Variants in SSBP2 observed in about 807,000 individuals in gnomAD.
SSBP2 encodes single stranded DNA binding protein 2, also known as single-stranded DNA-binding protein 2.
A neutral mutation model predicts 61.8 loss-of-function variants in SSBP2; 17 were observed. The observed-to-expected ratio is 0.28, with a 90% CI of 0.19 to 0.41. The LOEUF is 0.41. Ranked by LOEUF, SSBP2 falls within the 10% of genes least tolerant of loss-of-function variation. The pLI is 1.00. For missense variants in SSBP2, 310 were observed against 458.7 expected, an observed-to-expected ratio of 0.68 and a Z score of 2.96; for synonymous variants, 139 against 141.3, an observed-to-expected ratio of 0.98 and a Z score of 0.12.
At chr5:81,604,606 C>T (rs1744700343) in intron 4 of SSBP2, among the ~76,000 whole-genome samples, 1 of 151,774 alleles carries the variant, frequency 6.6e-6, no homozygotes, top group Non-Finnish European at 1.5e-5. Context: ...CTTTTAATCC[C>T]CCATGGAGAA....
At chr5:81,737,559 G>A (rs1396528104) in intron 1 of SSBP2, among the ~76,000 whole-genome samples, 1 of 151,932 alleles carries the variant, frequency 6.6e-6, no homozygotes, top group African/African-American at 2.4e-5. Context: ...AAGGCAGGCG[G>A]ATCACGAGGT....
At chr5:81,500,668 C>T (rs1213495019) in intron 5 of SSBP2, among the ~76,000 whole-genome samples, 2 of 152,024 alleles carry the variant, frequency 1.3e-5, no homozygotes, top group East Asian at 2.0e-4. Flanking sequence ...ACCATGTTGG[C>T]CAGGATGGTC....
intron 2 of SSBP2, among the ~76,000 whole-genome samples, chr5:81,641,159 T>C (rs1018389552): frequency 6.6e-6 from 1 of 152,054 alleles, no homozygotes; most frequent in Non-Finnish European, 1.5e-5. Flanking sequence ...CCACTGCCCC[T>C]CATCCTTACT....
At chr5:81,547,029 T>C (rs1771780984) in intron 4 of SSBP2, among the ~76,000 whole-genome samples, 1 of 72,798 alleles carries the variant, frequency 1.4e-5, no homozygotes, top group East Asian at 3.1e-4. Flanking sequence ...AAAGGGCAAA[T>C]CTTGGCCAAA....
chr5:81,532,336 A>G (rs1240306834), intron 4 of SSBP2, among the ~76,000 whole-genome samples: 2 of 152,124 alleles, frequency 1.3e-5, no homozygotes, highest in Non-Finnish European at 2.9e-5. Context: ...TAATCAATTT[A>G]TCTACACAGT....
At chr5:81,428,820 A>G in intron 15 of SSBP2, 137 bp from the exon 16 acceptor site, 1 of 552,362 alleles carries the variant, frequency 1.8e-6, no homozygotes, top group Non-Finnish European at 3.2e-6. Flanking sequence ...TCTACCATGT[A>G]TTCTATTTCA....
At chr5:81,556,677 C>A (rs536507873) in intron 4 of SSBP2, among the ~76,000 whole-genome samples, 1 of 152,242 alleles carries the variant, frequency 6.6e-6, no homozygotes, top group Admixed American at 6.5e-5. Flanking sequence ...ATCCAAACAT[C>A]ATTTTCATCC....
chr5:81,544,196 A>ATG (rs2154121155), intron 4 of SSBP2, among the ~76,000 whole-genome samples: 2 of 152,086 alleles, frequency 1.3e-5, no homozygotes, highest in South Asian at 4.2e-4. Context: ...ACTACAGGCG[A>ATG]TGCCACCACG....
At chr5:81,589,940 G>A (rs749554583) in intron 4 of SSBP2, among the ~76,000 whole-genome samples, 2 of 152,090 alleles carry the variant, frequency 1.3e-5, no homozygotes, top group Non-Finnish European at 2.9e-5. Flanking sequence ...ATTCATGAGG[G>A]TGGAGCTCTC....
chr5:81,675,026 A>AT (rs1751848663), intron 1 of SSBP2, among the ~76,000 whole-genome samples: 1 of 152,226 alleles, frequency 6.6e-6, no homozygotes, highest in African/African-American at 2.4e-5. Context: ...CCTTTTGATT[A>AT]TCCACAGTAA....
intron 5 of SSBP2, among the ~76,000 whole-genome samples, chr5:81,501,405 T>C (rs544315879): frequency 1.3e-5 from 2 of 149,534 alleles, no homozygotes; most frequent in African/African-American, 2.4e-5. Context: ...AGAGTATTTG[T>C]AGAATACAAA....
At chr5:81,544,146 T>C (rs1771530841) in intron 4 of SSBP2, among the ~76,000 whole-genome samples, 1 of 152,068 alleles carries the variant, frequency 6.6e-6, no homozygotes, top group Non-Finnish European at 1.5e-5. Flanking sequence ...GCCTCCCGGG[T>C]TCACGACATT....
At position 81,719,188 on chromosome 5, in the gene SSBP2, C is replaced by G. The variant is rs1325831422; in HGVS notation, c.62+31793G>C. ...AAAGTATGACAATAAACTCCTGCTA[C>G]AGAAATTCATGGGGTGTTTTCAAAT... is the stretch of plus-strand genomic sequence containing the variant. On this transcript the variant is annotated intron_variant, in intron 1 of 16. Transcript: ENST00000320672. Among the ~76,000 whole-genome samples the G allele has an allele frequency of 2.0e-5, 3 of 152,144 alleles. No homozygotes were observed. In the East Asian group the frequency reaches 5.8e-4, roughly 29 times the overall value.
At chr5:81,591,016 C>A (rs916308842) in intron 4 of SSBP2, among the ~76,000 whole-genome samples, 20 of 152,298 alleles carry the variant, frequency 1.3e-4, no homozygotes, top group African/African-American at 4.8e-4. Context: ...GTGTCCTATG[C>A]TACCAGGCTG....
At chr5:81,667,119 T>C (rs1282004379) in intron 1 of SSBP2, among the ~76,000 whole-genome samples, 1 of 151,796 alleles carries the variant, frequency 6.6e-6, no homozygotes, top group Non-Finnish European at 1.5e-5. Context: ...ATAGGTGGAG[T>C]CCTATCATCA....
At chr5:81,664,801 A>G (rs556287910) in intron 1 of SSBP2, among the ~76,000 whole-genome samples, 1 of 152,180 alleles carries the variant, frequency 6.6e-6, no homozygotes, top group Non-Finnish European at 1.5e-5. Context: ...TATTAAAAAG[A>G]TCCTCAAAAG....
At chr5:81,577,122 T>C (rs984081416) in intron 4 of SSBP2, among the ~76,000 whole-genome samples, 1 of 152,086 alleles carries the variant, frequency 6.6e-6, no homozygotes, top group Non-Finnish European at 1.5e-5. Context: ...TATGTTTACA[T>C]GTATAGGTTA....
chr5:81,492,984 A>T (rs1766971522), intron 5 of SSBP2, among the ~76,000 whole-genome samples: 1 of 152,070 alleles, frequency 6.6e-6, no homozygotes. Context: ...GGATAAAGGC[A>T]TATGTTCCTA....
At position 81,736,993 on chromosome 5, in the gene SSBP2, C is replaced by A. The variant is rs181417548; in HGVS notation, c.62+13988G>T. Among the ~76,000 whole-genome samples, 105 of 152,246 alleles carry A rather than the reference C, an allele frequency of 6.9e-4. 1 individual carries two copies. The highest frequency in any genetic ancestry group is 2.5e-3 in the African/African-American group (103 of 41,554). On this transcript the variant is annotated intron_variant, in intron 1 of 16. Coordinates refer to ENST00000320672, the MANE Select transcript of SSBP2 (RefSeq NM_012446.5). ...TGATCCCTTTAATTCTAATCTCCTA[C>A]AATTCAGAAAGTTTTTAAAAATCAG...
Sources: gnomAD v4.1 joint callset for allele counts (sites outside exome capture counted in the v4.1 genomes callset) on GRCh38, gnomAD v4.1.1 for gene constraint, MANE v1.5 for transcripts, NCBI Gene and HGNC (gene_info 2026-07-23, HGNC 2026-07-21) for gene names.